The following SYT9 variants were observed in gnomAD, a reference collection of about 807,000 sequenced individuals.
The protein encoded by SYT9 is synaptotagmin 9, also known as synaptotagmin-9.
SYT9 carries 22 observed loss-of-function variants against 48.4 expected under a neutral mutation model. The observed-to-expected ratio is 0.45, with a 90% confidence interval of 0.32 to 0.65. The LOEUF is 0.65. Ranked by LOEUF, SYT9 falls within the 30% of genes least tolerant of loss-of-function variation. SYT9 has a pLI of 0.03. For missense variants in SYT9, 577 were observed against 622.0 expected (o/e 0.93, Z 0.77); for synonymous variants, 265 against 245.0 (o/e 1.08, Z -0.76).
intron 5 of SYT9, among the ~76,000 whole-genome samples, chr11:7,420,204 T>C (rs769394548): frequency 6.6e-6 from 1 of 152,172 alleles, no homozygotes; most frequent in Non-Finnish European, 1.5e-5. Flanking sequence ...CTTTATTACA[T>C]GGAGGCCAGC....
intron 3 of SYT9, among the ~76,000 whole-genome samples, chr11:7,329,983 A>G (rs1369248853): frequency 3.3e-5 from 5 of 152,196 alleles, no homozygotes; most frequent in Admixed American, 2.0e-4. Context: ...ATTTTTCTCT[A>G]TAAAAATCTA....
intron 6 of SYT9, among the ~76,000 whole-genome samples, chr11:7,448,366 G>C (rs1847976085): frequency 6.6e-6 from 1 of 152,244 alleles, no homozygotes. Context: ...CATTGCCTTT[G>C]ATGGCGCCTG....
chr11:7,422,333 C>T (rs116066763), intron 6 of SYT9, among the ~76,000 whole-genome samples: 1 of 152,258 alleles, frequency 6.6e-6, no homozygotes, highest in African/African-American at 2.4e-5. Flanking sequence ...GAGCCTAGGA[C>T]CCCCTAATTT....
intron 1 of SYT9, among the ~76,000 whole-genome samples, chr11:7,263,350 C>T (rs1848115198): frequency 6.6e-6 from 1 of 152,126 alleles, no homozygotes; most frequent in Non-Finnish European, 1.5e-5. Flanking sequence ...TTCATAAGGG[C>T]ATTAATCCCA....
intron 1 of SYT9, among the ~76,000 whole-genome samples, chr11:7,257,326 T>C (rs1847991405): frequency 6.6e-6 from 1 of 152,158 alleles, no homozygotes; most frequent in Non-Finnish European, 1.5e-5. Context: ...ATTTTTCTTT[T>C]AAGGGCTCAT....
At chr11:7,287,813 A>G (rs969240543) in intron 1 of SYT9, among the ~76,000 whole-genome samples, 7 of 152,214 alleles carry the variant, frequency 4.6e-5, no homozygotes, top group African/African-American at 1.7e-4. Flanking sequence ...GCTCTCTTCT[A>G]GCTTGTAACA....
intron 3 of SYT9, among the ~76,000 whole-genome samples, chr11:7,345,123 G>A (rs917834639): frequency 6.6e-6 from 1 of 152,052 alleles, no homozygotes; most frequent in African/African-American, 2.4e-5. Context: ...TCTAAGACAG[G>A]TCTCTCGAGC....
At chr11:7,301,607 C>G (rs905846902) in intron 1 of SYT9, among the ~76,000 whole-genome samples, 3 of 152,222 alleles carry the variant, frequency 2.0e-5, no homozygotes, top group African/African-American at 7.2e-5. Context: ...GAATATGAAT[C>G]TGTGAAGACA....
chr11:7,288,869 A>G (rs1848647306), intron 1 of SYT9, among the ~76,000 whole-genome samples: 1 of 152,214 alleles, frequency 6.6e-6, no homozygotes, highest in Admixed American at 6.5e-5. Context: ...TGGAGTCTTC[A>G]TTATTCCTGT....
chr11:7,348,258 C>T (rs570250422), intron 3 of SYT9, among the ~76,000 whole-genome samples: 1 of 152,168 alleles, frequency 6.6e-6, no homozygotes, highest in Non-Finnish European at 1.5e-5. Context: ...ACTCTACCCC[C>T]CTCCTCAGTC....
intron 1 of SYT9, among the ~76,000 whole-genome samples, chr11:7,269,236 T>A (rs180866822): frequency 4.5e-4 from 68 of 152,144 alleles, no homozygotes; most frequent in African/African-American, 1.6e-3. Context: ...AAATGGGCTA[T>A]TCAGCAAATG....
At chr11:7,286,757 G>T (rs1332636396) in intron 1 of SYT9, among the ~76,000 whole-genome samples, 4 of 152,180 alleles carry the variant, frequency 2.6e-5, no homozygotes. Flanking sequence ...GGGGCAAAAT[G>T]CTGCCAGTCT....
At chr11:7,238,849 C>A (rs1230400610) in exon 1 of SYT9, 1 of 455,904 alleles carries the variant, frequency 2.2e-6, no homozygotes, top group Admixed American at 2.4e-5. Flanking sequence ...TATGAAGAAG[C>A]CAGTAATGCA....
intron 6 of SYT9, among the ~76,000 whole-genome samples, chr11:7,443,231 G>C (rs977767328): frequency 5.3e-5 from 8 of 152,214 alleles, no homozygotes; most frequent in African/African-American, 1.9e-4. Flanking sequence ...CAAGTGCAAA[G>C]CACCCTACCT....
chr11:7,365,876 A>G (rs1850231024), intron 3 of SYT9, among the ~76,000 whole-genome samples: 1 of 152,194 alleles, frequency 6.6e-6, no homozygotes, highest in African/African-American at 2.4e-5. Flanking sequence ...CTCTAGCCAC[A>G]ATCTGTAAGG....
intron 3 of SYT9, among the ~76,000 whole-genome samples, chr11:7,340,517 C>T (rs878994292): frequency 6.6e-6 from 1 of 152,188 alleles, no homozygotes; most frequent in Admixed American, 6.5e-5. Flanking sequence ...TGGGCTGCTT[C>T]TGATTGAAGT....
chr11:7,333,612 A>G (rs989488262), intron 3 of SYT9, among the ~76,000 whole-genome samples: 2 of 152,248 alleles, frequency 1.3e-5, no homozygotes, highest in African/African-American at 4.8e-5. Context: ...CTCCTCTATT[A>G]CACATTTCTT....
intron 1 of SYT9, among the ~76,000 whole-genome samples, chr11:7,256,889 T>C (rs7940875): frequency 0.79 from 119,997 of 152,010 alleles, 47,406 homozygotes; most frequent in Middle Eastern, 0.83. Context: ...CTTCTCTCCA[T>C]GTAAATATTA....
At chr11:7,388,516 C>G (rs1850703381) in intron 3 of SYT9, among the ~76,000 whole-genome samples, 1 of 151,650 alleles carries the variant, frequency 6.6e-6, no homozygotes. Flanking sequence ...TATTTATTTC[C>G]TTCATTCTAC....
Sources: allele counts gnomAD v4.1 joint callset (sites outside exome capture counted in the v4.1 genomes callset), GRCh38; gene constraint gnomAD v4.1.1; transcripts MANE v1.5; gene names NCBI Gene and HGNC (gene_info 2026-07-23, HGNC 2026-07-21).